FBF1: variants seen among roughly 807,000 people sequenced by gnomAD.
FBF1 encodes Fas binding factor 1.
A neutral mutation model predicts 147.2 loss-of-function variants in FBF1; 119 were observed. The observed-to-expected ratio is 0.81, with a 90% confidence interval of 0.70 to 0.94. FBF1 has a LOEUF of 0.94. Among genes scored for constraint, FBF1 ranks in the 40% least tolerant of loss-of-function variants. The probability of loss-of-function intolerance (pLI) is 0.00; values close to 1 mark genes in which losing one functional copy is unlikely to be tolerated. For synonymous variants in FBF1, 601 were observed against 609.0 expected (o/e 0.99, Z 0.19); for missense variants, 1,449 against 1,500.8 (o/e 0.97, Z 0.57).
chr17:75,914,447 C>A, intron 25 of FBF1, 149 bp from the exon 26 acceptor site: 1 of 1,248,402 alleles, frequency 8.0e-7, no homozygotes, highest in Admixed American at 2.9e-5. Context: ...AGCCTGGGGC[C>A]AAGCCGGAGT....
At chr17:75,921,676 G>T (rs1333523364) in intron 15 of FBF1, 116 bp from the exon 16 acceptor site, 3 of 636,066 alleles carry the variant, frequency 4.7e-6, no homozygotes, top group Non-Finnish European at 8.0e-6. Context: ...CAGCCTCTAC[G>T]TGGGACACGG....
Position 75,923,314 on chromosome 17 carries a change from C to T in FBF1, c.1296G>A (p.Glu432=). 2 of 1,597,232 alleles carry T rather than the reference C, an allele frequency of 1.3e-6. No homozygotes were observed. The highest frequency in any genetic ancestry group is 8.5e-7 in the Non-Finnish European group (1 of 1,172,332). The change falls in exon 14 of 30, where the codon GAG becomes GAA. Residue 432 remains glutamate, a synonymous_variant. Coordinates refer to ENST00000636174, the MANE Select transcript of FBF1 (RefSeq NM_001319193.2). The surrounding 1 kb of genome is among the most constrained non-coding windows in gnomAD (Gnocchi z 4.1). ...CATGGCTCAGCCAGTCCTCTTTCTCCTCCTTGGAGGCTCGCAGCTTGGAAG... is the reference window on the plus strand; with the variant it reads ...CATGGCTCAGCCAGTCCTCTTTCTCTTCCTTGGAGGCTCGCAGCTTGGAAG... The part of the protein sequence containing the change: ...SQASKLRASK[E]EKEDWLSHAL...
rs374663901 is a variant in FBF1, at chr17:75,910,689, G to A, written c.*34C>T. On this transcript the variant is annotated 3_prime_UTR_variant, in exon 30 of 30. Coordinates refer to ENST00000636174, the MANE Select transcript of FBF1 (RefSeq NM_001319193.2). The surrounding 1 kb of genome is among the most constrained non-coding windows in gnomAD (Gnocchi z 4.1). ...GAGGAACAGGACAGTTCTGGGGTCC[G>A]AACCCTCTGTTGGGGAATCGGCTGG... 148 of 1,581,128 alleles carry A rather than the reference G, an allele frequency of 9.4e-5. No homozygotes were observed. The highest frequency in any genetic ancestry group is 5.0e-4 in the Middle Eastern group (3 of 6,014).
intron 6 of FBF1, among the ~76,000 whole-genome samples, chr17:75,930,771 A>T (rs2065589523): frequency 6.6e-6 from 1 of 152,160 alleles, no homozygotes; most frequent in Non-Finnish European, 1.5e-5. Context: ...AAAATACAAA[A>T]ATCAGCCAGG....
At chr17:75,924,882 T>G (rs80063230) in intron 13 of FBF1, among the ~76,000 whole-genome samples, 3,942 of 152,270 alleles carry the variant, frequency 0.026, 152 homozygotes, top group African/African-American at 0.079. Context: ...TTTTTTTTTT[T>G]GTAAACTGAG....
intron 25 of FBF1, 24 bp downstream of exon 25, chr17:75,914,722 AC>A: frequency 6.6e-7 from 1 of 1,520,672 alleles, no homozygotes; most frequent in Non-Finnish European, 8.8e-7. Flanking sequence ...TGGGCCCTCC[AC>A]TGTCCGGAGG....
chr17:75,920,233 G>A (rs1405469419), intron 18 of FBF1, 41 bp downstream of exon 18: 11 of 1,597,340 alleles, frequency 6.9e-6, no homozygotes, highest in South Asian at 1.1e-5. Context: ...CCCTCCTGTC[G>A]CAACCCTGCC....
In FBF1 at chr17:75,917,955, G is replaced by A. The variant is rs572001028; in HGVS notation, c.2362C>T (p.Arg788Trp). 12 of 1,604,786 alleles carry A rather than the reference G, an allele frequency of 7.5e-6. No individual in the cohort carries two copies. The highest frequency in any genetic ancestry group is 2.2e-5 in the East Asian group (1 of 44,694). ...TTSQERELGI[R>W]QRDEQLRALQ... ...CCCCGCAGCTGCTCGTCACGCTGCC[G>A]GATCCCCAGCTCCCGCTCCTGGGAG... is the stretch of plus-strand genomic sequence containing the variant. The change falls in exon 22 of 30, where the codon CGG (arginine) becomes TGG (tryptophan). Residue 788 changes from arginine to tryptophan, a missense_variant. By Grantham distance (101) the Arg-to-Trp change is moderately radical. Coordinates refer to ENST00000636174, the MANE Select transcript of FBF1 (RefSeq NM_001319193.2).
At chr17:75,920,507 C>T in intron 17 of FBF1, 78 bp from the exon 18 acceptor site, 1 of 1,434,170 alleles carries the variant, frequency 7.0e-7, no homozygotes, top group East Asian at 2.5e-5. Flanking sequence ...TCCTGGCCCA[C>T]TGCTCACTGG....
chr17:75,926,748 T>C lies in FBF1; in HGVS notation c.595+10A>G, dbSNP rs1221546729. 6.2e-7 allele frequency: 1 copy of C among 1,610,872 alleles called. No homozygotes were observed. The highest frequency in any genetic ancestry group is 1.3e-5 in the African/African-American group (1 of 75,018). On this transcript the variant is annotated intron_variant, in intron 10 of 29. Transcript: ENST00000636174. ...CCTCCAGGATGGGAAATGAGCCCAC[T>C]CCACCCTACCTTGATCTCTCACTGT...
chr17:75,937,174 A>ATT (rs879519217), intron 3 of FBF1, among the ~76,000 whole-genome samples: 9 of 144,178 alleles, frequency 6.2e-5, no homozygotes, highest in East Asian at 6.1e-4. Context: ...GATCAAAAAC[A>ATT]TTTTTTTTTT....
At position 75,925,155 on chromosome 17, in the gene FBF1, C is replaced by T. The variant is rs1398132298; in HGVS notation, c.968+192G>A. ...GGATGGGGGTTCCCACTGGGGCCAT[C>T]TCCTCCACTCTGTCTGGGCTGGCGG... On this transcript the variant is annotated intron_variant, in intron 13 of 29. Transcript: ENST00000636174. This position sits in a 1 kb window ranked among gnomAD's most constrained non-coding sequence, Gnocchi z 5.0. Among the ~76,000 whole-genome samples, 1 of 152,232 alleles carries T rather than the reference C, an allele frequency of 6.6e-6. No individual in the cohort carries two copies. Among genetic ancestry groups the T allele is most frequent in the African/African-American group, 2.4e-5 (1 of 41,466 alleles).
intron 1 of FBF1, among the ~76,000 whole-genome samples, chr17:75,938,590 G>T (rs1048314407): frequency 6.8e-6 from 1 of 147,880 alleles, no homozygotes; most frequent in East Asian, 2.0e-4. Context: ...GACCGGGCGC[G>T]ATGGCTCATG....
chr17:75,926,988 A>C (rs1032434957), intron 9 of FBF1, 111 bp from the exon 10 acceptor site: 2 of 1,427,582 alleles, frequency 1.4e-6, no homozygotes, highest in African/African-American at 2.9e-5. Context: ...TCCAGTACAT[A>C]AACAAGCCCC....
chr17:75,931,349 G>C (rs1174791054), intron 5 of FBF1, 60 bp from the exon 6 acceptor site: 9 of 1,471,448 alleles, frequency 6.1e-6, no homozygotes, highest in Non-Finnish European at 8.4e-6. Context: ...ACTCTAAAAA[G>C]GGGAGGAGTA....
chr17:75,913,929 T>C lies in FBF1; in HGVS notation c.3113A>G (p.Glu1038Gly). Reference protein sequence around the residue: ...QQQQERLRKQEQHMHQEHLSL... With the variant: ...QQQQERLRKQGQHMHQEHLSL... ...GAGCCTTGCCTGGTGCATGTGCTGC[T>C]CCTGCTTCCGCAGCCGCTCCTGCTG... Residue 1038 changes from glutamate (E) to glycine (G), a missense_variant, in exon 27 of 30, where the codon GAG (glutamate) becomes GGG (glycine). Coordinates refer to ENST00000636174, the MANE Select transcript of FBF1 (RefSeq NM_001319193.2). 6.5e-7 allele frequency: 1 copy of C among 1,546,250 alleles called. No individual in the cohort carries two copies. Among genetic ancestry groups the C allele is most frequent in the East Asian group, 2.4e-5 (1 of 41,316 alleles).
chr17:75,918,057 T>A lies in FBF1; in HGVS notation c.2260A>T (p.Ile754Phe). The change falls in exon 22 of 30, where the codon ATC becomes TTC. Residue 754 changes from isoleucine to phenylalanine, a missense_variant. Coordinates refer to ENST00000636174, the MANE Select transcript of FBF1 (RefSeq NM_001319193.2). This position sits in a 1 kb window ranked among gnomAD's most constrained non-coding sequence, Gnocchi z 5.8. ...ATSHTRSLNS[I>F]IHQMEKFSSS... ...GAGAACTTCTCCATCTGGTGGATGA[T>A]GCTATTCAGGGACCTGGAAGAAGAC... 6.2e-7 allele frequency: 1 copy of A among 1,610,282 alleles called. No individual in the cohort carries two copies. Among genetic ancestry groups the A allele is most frequent in the Non-Finnish European group, 8.5e-7 (1 of 1,177,850 alleles).
rs1327695440 is a variant in FBF1 at position 75,921,663 on chromosome 17, G to T, written c.1527-103C>A. ...GTGGGACATGGGGACGGGGCAGGGTGGGCAGCCTCTACGTGGGACACGGGG... is the reference window on the plus strand; with the variant it reads ...GTGGGACATGGGGACGGGGCAGGGTTGGCAGCCTCTACGTGGGACACGGGG... On this transcript the variant is annotated intron_variant, in intron 15 of 29. Transcript: ENST00000636174. 5.2e-6 allele frequency: 4 copies of T among 765,744 alleles called. No individual in the cohort carries two copies. The African/African-American group carries it at 7.1e-5, about 14-fold the overall frequency. The allele number at this position is 765,744 out of a possible 1,614,324, so 47.4% of individuals were successfully genotyped here.
At position 75,923,817 on chromosome 17, in the gene FBF1, C is replaced by T. The variant is rs1191170660; in HGVS notation, c.969-176G>A. Among the ~76,000 whole-genome samples the T allele has an allele frequency of 6.6e-6, 1 of 152,202 alleles. No individual in the cohort carries two copies. The highest frequency in any genetic ancestry group is 1.5e-5 in the Non-Finnish European group (1 of 68,046). On this transcript the variant is annotated intron_variant, in intron 13 of 29. Transcript: ENST00000636174. The surrounding 1 kb of genome is among the most constrained non-coding windows in gnomAD (Gnocchi z 4.1). ...AGGCCACGTGCTGTCTGTAGAACAC[C>T]ACGAAGTACAGAGACCTTGACTTCC... is the stretch of plus-strand genomic sequence containing the variant.
Sources: gnomAD v4.1 joint callset for allele counts (sites outside exome capture counted in the v4.1 genomes callset) on GRCh38, gnomAD v4.1.1 for gene constraint, Gnocchi (gnomAD v3.1) non-coding constraint, MANE v1.5 for transcripts, NCBI Gene and HGNC (gene_info 2026-07-23, HGNC 2026-07-21) for gene names.